Variants in TOGARAM1 observed in about 807,000 individuals in gnomAD.
TOGARAM1 encodes the protein TOG array regulator of axonemal microtubules protein 1.
TOGARAM1 carries 100 observed loss-of-function variants against 166.6 expected under a neutral mutation model. The ratio of observed to expected loss-of-function variants is 0.60; its 90% CI spans 0.51 to 0.71. The LOEUF (loss-of-function observed/expected upper bound fraction) is 0.71, where lower values mean the gene tolerates loss of function less well. Ranked by LOEUF, TOGARAM1 falls within the 30% of genes least tolerant of loss-of-function variation. TOGARAM1 has a pLI of 0.00. For synonymous variants in TOGARAM1, 758 were observed against 763.8 expected, an observed-to-expected ratio of 0.99 and a Z score of 0.13; for missense variants, 2,029 against 2,102.7, an observed-to-expected ratio of 0.96 and a Z score of 0.69.
chr14:45,069,533 C>T (rs1293233377), intron 18 of TOGARAM1, among the ~76,000 whole-genome samples: 2 of 151,682 alleles, frequency 1.3e-5, no homozygotes, highest in Middle Eastern at 3.2e-3. Context: ...AGACAAAAGA[C>T]CTGAAAAAAT....
Position 44,995,868 on chromosome 14 carries a change from T to C in TOGARAM1, c.2169T>C (p.Asp723=). 1 of 1,610,762 alleles carries C rather than the reference T, an allele frequency of 6.2e-7. No homozygotes were observed. Among genetic ancestry groups the C allele is most frequent in the Non-Finnish European group, 8.5e-7 (1 of 1,179,006 alleles). The change falls in exon 2 of 20, where the codon GAT becomes GAC. Residue 723 remains aspartate (D), a synonymous_variant. Coordinates refer to ENST00000361462, the MANE Select transcript of TOGARAM1 (RefSeq NM_001308120.2). The stretch of plus-strand genomic sequence containing the variant: ...GAAACTTATTTCAGAATAGTCGGGA[T>C]TTTAACCCAGATTGTCTTCCTTTAT... ...VSRNLFQNSR[D]FNPDCLPLCA...
chr14:44,990,484 G>T (rs1056628630), intron 1 of TOGARAM1, among the ~76,000 whole-genome samples: 1 of 152,196 alleles, frequency 6.6e-6, no homozygotes, highest in Non-Finnish European at 1.5e-5. Context: ...CTCCTGTTTG[G>T]ACTCAGAGGG....
Position 45,002,695 on chromosome 14 carries a change from C to T in TOGARAM1, c.2339-1366C>T, listed in dbSNP as rs374638145. 9.9e-5 allele frequency among the ~76,000 whole-genome samples: 15 copies of T among 152,216 alleles called. No homozygotes were observed. In the East Asian group the frequency reaches 1.4e-3, roughly 14 times the overall value. ...CTTCATAAGAAATATTTTTAAATCT[C>T]GGCTGTGTGCGGTGGCTCACGCCTG... On this transcript the variant is annotated intron_variant, in intron 3 of 19. Coordinates refer to ENST00000361462, the MANE Select transcript of TOGARAM1 (RefSeq NM_001308120.2).
chr14:45,040,109 A>T (rs1325515588), intron 11 of TOGARAM1, among the ~76,000 whole-genome samples: 1 of 152,260 alleles, frequency 6.6e-6, no homozygotes, highest in Non-Finnish European at 1.5e-5. Flanking sequence ...AGATTTTATA[A>T]ATTTTGTTCT....
At chr14:45,070,265 G>T (rs376211074) in intron 18 of TOGARAM1, among the ~76,000 whole-genome samples, 2 of 152,164 alleles carry the variant, frequency 1.3e-5, no homozygotes, top group South Asian at 2.1e-4. Context: ...TATGCAAATG[G>T]ATGGTTCTTA....
Position 44,962,804 on chromosome 14 carries a change from G to T in TOGARAM1, c.383G>T (p.Gly128Val). Residue 128 changes from glycine to valine, a missense_variant, in exon 1 of 20, where the codon GGC (glycine) becomes GTC (valine). By Grantham distance (109) the Gly-to-Val change is moderately radical. This residue lies in a region of TOGARAM1 where 1,453 missense variants were observed against 1,432.2 expected (regional missense o/e 1.01). Coordinates refer to ENST00000361462, the MANE Select transcript of TOGARAM1 (RefSeq NM_001308120.2). ...AALPRRGGRLGFPRRKEALYR... is the reference protein window; with the variant it reads ...AALPRRGGRLVFPRRKEALYR... ...TTGCCGCGGCGGGGCGGTCGACTTG[G>T]CTTCCCCCGACGCAAGGAAGCTTTG... The T allele has an allele frequency of 6.2e-7, 1 of 1,612,422 alleles. No individual in the cohort carries two copies.
intron 6 of TOGARAM1, among the ~76,000 whole-genome samples, chr14:45,009,393 A>G (rs79842701): frequency 1.4e-4 from 21 of 152,302 alleles, no homozygotes; most frequent in African/African-American, 5.1e-4. Flanking sequence ...CCCTGTTCCT[A>G]AAGCCCTAGT....
chr14:45,044,591 C>A, intron 12 of TOGARAM1, 44 bp from the exon 13 acceptor site: 2 of 1,338,096 alleles, frequency 1.5e-6, no homozygotes, highest in African/African-American at 1.5e-5. Context: ...TAGTGATTTT[C>A]TTGCAGAATA....
chr14:45,045,609 G>T (rs1566660689), intron 13 of TOGARAM1, among the ~76,000 whole-genome samples: 1 of 88,062 alleles, frequency 1.1e-5, no homozygotes, highest in African/African-American at 5.0e-5. Context: ...GTGTGTGTGT[G>T]TGTGTGTGTA....
chr14:45,016,848 ATTATG>A (rs1200011983), intron 7 of TOGARAM1, among the ~76,000 whole-genome samples: 2 of 152,230 alleles, frequency 1.3e-5, no homozygotes, highest in African/African-American at 4.8e-5. Context: ...AGTTCCTAAT[ATTATG>A]TTACTTATCT....
intron 1 of TOGARAM1, among the ~76,000 whole-genome samples, chr14:44,977,104 TAATC>T (rs1381932139): frequency 1.7e-4 from 26 of 152,138 alleles, no homozygotes; most frequent in Admixed American, 1.7e-3. Context: ...AAAGTAAAAT[TAATC>T]AATGTAGCTA....
intron 7 of TOGARAM1, among the ~76,000 whole-genome samples, chr14:45,022,313 T>G (rs1363599960): frequency 6.6e-6 from 1 of 150,688 alleles, no homozygotes. Flanking sequence ...CCGAAACTAG[T>G]AGATACTGAA....
chr14:45,045,569 ATATATATATATATATGTGTGTGTG>A lies in TOGARAM1; in HGVS notation c.4154+701_4154+724del, dbSNP rs796677666. 1.1e-3 allele frequency among the ~76,000 whole-genome samples: 44 copies of A among 39,452 alleles called. 4 individuals are homozygous for A. The highest frequency in any genetic ancestry group is 5.3e-3 in the African/African-American group (35 of 6,660). 25.9% of individuals were successfully genotyped at this position (39,452 alleles called of 152,430 possible). ...TATATATATATATATATATATATAT[ATATATATATATATATGTGTGTGTG>A]TGTGTGTGTGTGTGTGTGTGTGTGT... On this transcript the variant is annotated intron_variant, in intron 13 of 19. Coordinates refer to ENST00000361462, the MANE Select transcript of TOGARAM1 (RefSeq NM_001308120.2).
chr14:45,068,718 T>C (rs962396315), intron 18 of TOGARAM1, 75 bp downstream of exon 18: 55 of 1,118,150 alleles, frequency 4.9e-5, no homozygotes, highest in Non-Finnish European at 6.5e-5. Flanking sequence ...CATACTTTTT[T>C]TGTAATGCTG....
intron 17 of TOGARAM1, 51 bp from the exon 18 acceptor site, chr14:45,068,373 A>G (rs1421149756): frequency 5.5e-6 from 7 of 1,276,070 alleles, no homozygotes; most frequent in Non-Finnish European, 7.7e-6. Flanking sequence ...TTATAAATAC[A>G]ATAGCTATAA....
chr14:45,054,914 G>C (rs1346168692), intron 16 of TOGARAM1, among the ~76,000 whole-genome samples: 1 of 151,980 alleles, frequency 6.6e-6, no homozygotes, highest in Non-Finnish European at 1.5e-5. Flanking sequence ...GAAAATGAAA[G>C]CATTACAAGG....
At chr14:45,015,689 T>C (rs867923879) in intron 7 of TOGARAM1, among the ~76,000 whole-genome samples, 1 of 152,058 alleles carries the variant, frequency 6.6e-6, no homozygotes, top group African/African-American at 2.4e-5. Flanking sequence ...TAACAACAGA[T>C]GTAGAAGAGG....
chr14:45,028,444 C>T (rs768062853), intron 10 of TOGARAM1, 115 bp downstream of exon 10: 25 of 1,116,012 alleles, frequency 2.2e-5, no homozygotes, highest in East Asian at 5.4e-5. Flanking sequence ...TATATAACAC[C>T]GAAATTTGCA....
At chr14:45,062,349 C>T (rs946899540) in intron 16 of TOGARAM1, among the ~76,000 whole-genome samples, 1 of 152,048 alleles carries the variant, frequency 6.6e-6, no homozygotes, top group Non-Finnish European at 1.5e-5. Context: ...ATAAATTGGT[C>T]CTTTTGTCAT....
Sources: allele counts gnomAD v4.1 joint callset (sites outside exome capture counted in the v4.1 genomes callset), GRCh38; gene constraint gnomAD v4.1.1; regional missense constraint gnomAD v4.1.1; transcripts MANE v1.5; gene names NCBI Gene and HGNC (gene_info 2026-07-23, HGNC 2026-07-21).